The following SUCLG2 variants were observed in gnomAD, a reference collection of about 807,000 sequenced individuals.
SUCLG2 encodes the protein succinate--CoA ligase [GDP-forming] subunit beta, mitochondrial.
Under a neutral mutation model 47.9 loss-of-function variants are expected in SUCLG2, and 42 were observed. That is an observed-to-expected ratio of 0.88 (90% CI 0.69 to 1.14). SUCLG2 has a LOEUF of 1.14. SUCLG2 is among the 50% of genes most tolerant of loss of function. SUCLG2 has a pLI of 0.00. For missense variants in SUCLG2, 571 were observed against 525.9 expected, an observed-to-expected ratio of 1.09 and a Z score of -0.84; for synonymous variants, 195 against 197.3, an observed-to-expected ratio of 0.99 and a Z score of 0.10.
intron 2 of SUCLG2, among the ~76,000 whole-genome samples, chr3:67,605,578 T>C: frequency 6.6e-6 from 1 of 152,128 alleles, no homozygotes; most frequent in East Asian, 1.9e-4. Context: ...AATTCCTGTT[T>C]AGCTCTAGAC....
chr3:67,362,355 A>T (rs1338765577), intron 10 of SUCLG2, among the ~76,000 whole-genome samples: 2 of 152,158 alleles, frequency 1.3e-5, no homozygotes, highest in African/African-American at 4.8e-5. Context: ...ACATTTATTC[A>T]TCAGTTCTTA....
At chr3:67,640,764 T>C (rs1052731118) in intron 1 of SUCLG2, among the ~76,000 whole-genome samples, 1 of 152,232 alleles carries the variant, frequency 6.6e-6, no homozygotes, top group Non-Finnish European at 1.5e-5. Flanking sequence ...ACTTTTATGT[T>C]CATTATTGTT....
chr3:67,463,345 G>C (rs951902347), intron 9 of SUCLG2, among the ~76,000 whole-genome samples: 2 of 152,094 alleles, frequency 1.3e-5, no homozygotes, highest in Non-Finnish European at 2.9e-5. Context: ...AAGCAGGGTG[G>C]GGCACTGATG....
chr3:67,483,478 G>GC (rs1181791023), intron 9 of SUCLG2, among the ~76,000 whole-genome samples: 2 of 152,088 alleles, frequency 1.3e-5, no homozygotes, highest in African/African-American at 2.4e-5. Context: ...GCATTTTCAA[G>GC]CCCCCTTTCA....
chr3:67,589,383 C>T (rs1708100245), intron 2 of SUCLG2, among the ~76,000 whole-genome samples: 1 of 152,230 alleles, frequency 6.6e-6, no homozygotes, highest in African/African-American at 2.4e-5. Flanking sequence ...ATATCTCCAG[C>T]ACCAAGTACC....
intron 2 of SUCLG2, among the ~76,000 whole-genome samples, chr3:67,580,182 T>C (rs994953627): frequency 5.3e-5 from 8 of 151,944 alleles, no homozygotes; most frequent in Admixed American, 2.0e-4. Flanking sequence ...TAAAAATCCC[T>C]CCTCTTTTTT....
chr3:67,570,108 G>T (rs1003046500), intron 2 of SUCLG2, among the ~76,000 whole-genome samples: 5 of 152,176 alleles, frequency 3.3e-5, no homozygotes, highest in African/African-American at 1.2e-4. Context: ...CCAGAAGAAA[G>T]GCCGTAAGAG....
rs1702879653 is a variant in SUCLG2 at position 67,409,112 on chromosome 3, A to G, written c.1063-8261T>C. On this transcript the variant is annotated intron_variant, in intron 9 of 10. Transcript: ENST00000307227. The stretch of plus-strand genomic sequence containing the variant: ...TGGGTTTTAGTTCTTTACAATACAG[A>G]TATTTCCTGTTTACTGATAAAAGAG... The G allele has an allele frequency of 4.3e-6, 6 of 1,390,122 alleles. No homozygotes were observed. The South Asian group carries it at 5.4e-5, about 13-fold the overall frequency. 86.1% of individuals were successfully genotyped at this position (1,390,122 alleles called of 1,614,324 possible).
chr3:67,592,338 C>T (rs1575801920), intron 2 of SUCLG2, among the ~76,000 whole-genome samples: 1 of 152,222 alleles, frequency 6.6e-6, no homozygotes, highest in East Asian at 1.9e-4. Flanking sequence ...ACAAACAACA[C>T]AAATAAAGCT....
intron 9 of SUCLG2, among the ~76,000 whole-genome samples, chr3:67,404,047 G>C (rs1702749264): frequency 6.6e-6 from 1 of 152,098 alleles, no homozygotes; most frequent in Non-Finnish European, 1.5e-5. Flanking sequence ...CACCACACCT[G>C]ACTAGTTTTT....
In SUCLG2 at chr3:67,379,999, G is replaced by C. The variant is rs149001200; in HGVS notation, c.1184-4140C>G. 8.6e-3 allele frequency among the ~76,000 whole-genome samples: 1,316 copies of C among 152,238 alleles called. 21 individuals are homozygous for C. The highest frequency in any genetic ancestry group is 0.03 in the African/African-American group (1,226 of 41,522). Reference sequence around the variant, plus strand: ...CCCAATATCCGTTAGCTAGCAGTACGTGCTGACCGACGGGGTAACTCCAGA... The same window carrying C: ...CCCAATATCCGTTAGCTAGCAGTACCTGCTGACCGACGGGGTAACTCCAGA... On this transcript the variant is annotated intron_variant, in intron 10 of 10. Coordinates refer to ENST00000307227, the MANE Select transcript of SUCLG2 (RefSeq NM_003848.4).
At chr3:67,572,858 A>G (rs547251349) in intron 2 of SUCLG2, among the ~76,000 whole-genome samples, 1 of 152,232 alleles carries the variant, frequency 6.6e-6, no homozygotes, top group African/African-American at 2.4e-5. Flanking sequence ...TCACACTGGA[A>G]AAAAACAAAA....
Position 67,541,088 on chromosome 3 carries a change from G to A in SUCLG2, c.227-11902C>T, listed in dbSNP as rs537275243. ...AAAGACCAAAGTTAGATAAATCCAC[G>A]AAGATAAGGAAGAACCAGTACAAAA... On this transcript the variant is annotated intron_variant, in intron 2 of 10. Transcript: ENST00000307227. 3.3e-5 allele frequency among the ~76,000 whole-genome samples: 5 copies of A among 152,208 alleles called. No homozygotes were observed. The South Asian group carries it at 6.2e-4, about 19-fold the overall frequency.
intron 10 of SUCLG2, among the ~76,000 whole-genome samples, chr3:67,381,488 A>G (rs1702157120): frequency 6.6e-6 from 1 of 152,208 alleles, no homozygotes; most frequent in South Asian, 2.1e-4. Flanking sequence ...AAGAGTGTTT[A>G]TGCCTGTGCA....
chr3:67,418,996 AAAG>A (rs1198108769), intron 9 of SUCLG2, among the ~76,000 whole-genome samples: 2 of 152,168 alleles, frequency 1.3e-5, no homozygotes, highest in African/African-American at 4.8e-5. Context: ...TAAAAAAAAA[AAAG>A]GTCTGCACAA....
At chr3:67,614,471 A>G (rs1038581898) in intron 1 of SUCLG2, among the ~76,000 whole-genome samples, 1 of 151,250 alleles carries the variant, frequency 6.6e-6, no homozygotes, top group African/African-American at 2.4e-5. Context: ...TTCCTCTCCT[A>G]TGGCTCACGG....
intron 9 of SUCLG2, among the ~76,000 whole-genome samples, chr3:67,469,585 T>C (rs1212109610): frequency 6.7e-6 from 1 of 149,366 alleles, no homozygotes; most frequent in Non-Finnish European, 1.5e-5. Context: ...AAAAATTAGC[T>C]GGGTGTGGTG....
rs80041313 is a variant in SUCLG2, at chr3:67,550,674, C to T, written c.227-21488G>A. On this transcript the variant is annotated intron_variant, in intron 2 of 10. Transcript: ENST00000307227. ...ACATCTGTCTTACCAAGTTTACCATCTGTCTTAAATTTCTCCTAAAGAAGA... is the reference window on the plus strand; with the variant it reads ...ACATCTGTCTTACCAAGTTTACCATTTGTCTTAAATTTCTCCTAAAGAAGA... 8.4e-3 allele frequency among the ~76,000 whole-genome samples: 1,275 copies of T among 152,280 alleles called. 15 individuals carry two copies. The highest frequency in any genetic ancestry group is 0.029 in the African/African-American group (1,197 of 41,552).
intron 2 of SUCLG2, among the ~76,000 whole-genome samples, chr3:67,588,789 A>G (rs1471528952): frequency 6.6e-6 from 1 of 152,228 alleles, no homozygotes; most frequent in Non-Finnish European, 1.5e-5. Flanking sequence ...GTGACATTCA[A>G]CTACTCTAAG....
Sources: allele counts gnomAD v4.1 joint callset (sites outside exome capture counted in the v4.1 genomes callset), GRCh38; gene constraint gnomAD v4.1.1; transcripts MANE v1.5; gene names NCBI Gene and HGNC (gene_info 2026-07-23, HGNC 2026-07-21).